NRXN1: variants seen among roughly 807,000 people sequenced by gnomAD.
NRXN1 encodes the protein neurexin 1.
NRXN1 carries 39 observed loss-of-function variants against 150.9 expected under a neutral mutation model. That is an observed-to-expected ratio of 0.26 (90% CI 0.20 to 0.34). NRXN1 has a LOEUF of 0.34. NRXN1 is among the 10% of genes least tolerant of loss of function. The pLI is 1.00. For missense variants in NRXN1, 1,815 were observed against 1,949.9 expected, an observed-to-expected ratio of 0.93 and a Z score of 1.30; for synonymous variants, 924 against 757.0, an observed-to-expected ratio of 1.22 and a Z score of -3.62.
chr2:50,619,936 C>A, intron 8 of NRXN1, 86 bp downstream of exon 8: 1 of 1,233,872 alleles, frequency 8.1e-7, no homozygotes, highest in Non-Finnish European at 1.1e-6. Context: ...TCTGGAACAT[C>A]GGGTCTTCAG....
intron 18 of NRXN1, among the ~76,000 whole-genome samples, chr2:50,138,037 T>TA (rs35551726): frequency 3.9e-5 from 6 of 152,160 alleles, no homozygotes; most frequent in African/African-American, 1.4e-4. Flanking sequence ...AAAGCTGTCA[T>TA]AAAAAAATTT....
intron 5 of NRXN1, among the ~76,000 whole-genome samples, chr2:50,809,212 G>C (rs1173305314): frequency 1.3e-5 from 2 of 152,014 alleles, no homozygotes; most frequent in African/African-American, 4.8e-5. Flanking sequence ...TGAGGACTTA[G>C]TAAAAGTCCT....
At chr2:51,008,527 C>T (rs938882913) in intron 2 of NRXN1, among the ~76,000 whole-genome samples, 2 of 151,924 alleles carry the variant, frequency 1.3e-5, no homozygotes, top group South Asian at 2.1e-4. Flanking sequence ...AAGTTGATCA[C>T]TGCAGGGTAT....
At chr2:50,500,301 A>T (rs909098308) in intron 13 of NRXN1, among the ~76,000 whole-genome samples, 1 of 152,138 alleles carries the variant, frequency 6.6e-6, no homozygotes, top group African/African-American at 2.4e-5. Context: ...TAAATAATAA[A>T]AAGGTAGTAC....
chr2:50,645,031 GA>G (rs2104509678), intron 5 of NRXN1, among the ~76,000 whole-genome samples: 1 of 151,904 alleles, frequency 6.6e-6, no homozygotes, highest in Non-Finnish European at 1.5e-5. Context: ...GCCATCTAAA[GA>G]ATTTCAAACT....
chr2:50,947,116 A>G lies in NRXN1; in HGVS notation c.773-21161T>C, dbSNP rs145265061. On this transcript the variant is annotated intron_variant, in intron 2 of 22. Transcript: ENST00000401669. ...TTTGCAACCAGAAATTTCTTACATGACAAAGACAAACATTTTTGTCCAGTC... is the reference window on the plus strand; with the variant it reads ...TTTGCAACCAGAAATTTCTTACATGGCAAAGACAAACATTTTTGTCCAGTC... 3.2e-3 allele frequency among the ~76,000 whole-genome samples: 493 copies of G among 152,260 alleles called. 2 individuals carry two copies. In the Middle Eastern group the frequency reaches 0.037, roughly 12 times the overall value.
intron 2 of NRXN1, among the ~76,000 whole-genome samples, chr2:50,940,311 C>T (rs1689217859): frequency 6.6e-6 from 1 of 151,804 alleles, no homozygotes; most frequent in Non-Finnish European, 1.5e-5. Flanking sequence ...CCCATCTCTA[C>T]CAAAAATACA....
At chr2:50,325,806 T>A (rs2076348981) in intron 17 of NRXN1, among the ~76,000 whole-genome samples, 1 of 152,382 alleles carries the variant, frequency 6.6e-6, no homozygotes, top group South Asian at 2.1e-4. Context: ...ATATTTTATA[T>A]GTTTGTAACC....
chr2:50,019,719 G>A (rs1331729834), intron 21 of NRXN1, among the ~76,000 whole-genome samples: 2 of 148,910 alleles, frequency 1.3e-5, no homozygotes, highest in African/African-American at 5.0e-5. Context: ...GGCCTAGGCG[G>A]GCGGATCACG....
intron 5 of NRXN1, among the ~76,000 whole-genome samples, chr2:50,732,363 G>A (rs1357260488): frequency 6.6e-6 from 1 of 152,020 alleles, no homozygotes; most frequent in Non-Finnish European, 1.5e-5. Flanking sequence ...ATTACTATTA[G>A]GATAAAAATA....
chr2:49,956,111 A>T (rs1193826012), intron 21 of NRXN1, among the ~76,000 whole-genome samples: 1 of 152,168 alleles, frequency 6.6e-6, no homozygotes, highest in African/African-American at 2.4e-5. Context: ...GGCCTGCCAC[A>T]GTACCTAGCA....
At chr2:50,843,050 A>G (rs1363541367) in intron 5 of NRXN1, among the ~76,000 whole-genome samples, 2 of 152,200 alleles carry the variant, frequency 1.3e-5, no homozygotes, top group African/African-American at 4.8e-5. Flanking sequence ...TATAGTACTC[A>G]TTATCGCTAA....
intron 5 of NRXN1, among the ~76,000 whole-genome samples, chr2:50,883,167 AT>A (rs1220569417): frequency 1.3e-5 from 2 of 151,816 alleles, no homozygotes; most frequent in African/African-American, 2.4e-5. Context: ...CGAATATTCT[AT>A]TTGCAATTTT....
chr2:50,307,057 T>G (rs1037242415), intron 17 of NRXN1, among the ~76,000 whole-genome samples: 1 of 152,152 alleles, frequency 6.6e-6, no homozygotes, highest in African/African-American at 2.4e-5. Context: ...TGATCTTGGC[T>G]TACTGCAACC....
chr2:50,411,354 G>C (rs2104083182), intron 17 of NRXN1, among the ~76,000 whole-genome samples: 1 of 152,270 alleles, frequency 6.6e-6, no homozygotes, highest in South Asian at 2.1e-4. Flanking sequence ...CTGGAGTGCA[G>C]TGGCGTGATC....
chr2:50,744,992 G>A (rs1437591777), intron 5 of NRXN1, among the ~76,000 whole-genome samples: 2 of 152,096 alleles, frequency 1.3e-5, no homozygotes. Context: ...CCCTCTCAGT[G>A]AAAAGCAACT....
Position 50,855,527 on chromosome 2 carries a change from C to A in NRXN1, c.832+66342G>T, listed in dbSNP as rs930637894. Among the ~76,000 whole-genome samples the A allele has an allele frequency of 7.2e-5, 11 of 152,068 alleles. No homozygotes were observed. The East Asian group carries it at 2.1e-3, about 29-fold the overall frequency. ...AGTAAGTTAATTTATCTTGGCCTCA[C>A]TTTACCAATGGCCAAAATGAAAGAA... On this transcript the variant is annotated intron_variant, in intron 5 of 22. Coordinates refer to ENST00000401669, the MANE Select transcript of NRXN1 (RefSeq NM_001330078.2).
intron 18 of NRXN1, among the ~76,000 whole-genome samples, chr2:50,206,677 G>GGTTTT (rs1158743546): frequency 6.6e-6 from 1 of 151,908 alleles, no homozygotes; most frequent in African/African-American, 2.4e-5. Context: ...ATGTCTGGAA[G>GGTTTT]GTTTTGTTTT....
intron 18 of NRXN1, among the ~76,000 whole-genome samples, chr2:50,176,084 A>C (rs1015965209): frequency 1.3e-5 from 2 of 152,124 alleles, no homozygotes; most frequent in African/African-American, 4.8e-5. Context: ...AAAAGCTATG[A>C]CTTCTAGTAT....
Sources: gnomAD v4.1 joint callset for allele counts (sites outside exome capture counted in the v4.1 genomes callset) on GRCh38, gnomAD v4.1.1 for gene constraint, MANE v1.5 for transcripts, NCBI Gene and HGNC (gene_info 2026-07-23, HGNC 2026-07-21) for gene names.